The following CD300E variants were observed in gnomAD, a reference collection of about 807,000 sequenced individuals.
CD300E encodes CMRF35-like molecule 2.
In CD300E, 14 loss-of-function variants were observed where a neutral mutation model predicts 20.9. That is an observed-to-expected ratio of 0.67 (90% CI 0.44 to 1.05). The LOEUF is 1.05. CD300E is among the 50% of genes least tolerant of loss of function. The probability of loss-of-function intolerance (pLI) is 0.00; values close to 1 mark genes in which losing one functional copy is unlikely to be tolerated. For synonymous variants in CD300E, 102 were observed against 103.7 expected (o/e 0.98, Z 0.10); for missense variants, 237 against 253.9 (o/e 0.93, Z 0.45).
intron 1 of CD300E, chr17:74,619,045 C>A: frequency 2.1e-6 from 1 of 469,846 alleles, no homozygotes; most frequent in South Asian, 1.6e-5. Flanking sequence ...CCCCAAGAAC[C>A]TGTTGCCCCG....
intron 1 of CD300E, among the ~76,000 whole-genome samples, chr17:74,620,254 C>T (rs2030992395): frequency 6.6e-6 from 1 of 152,000 alleles, no homozygotes; most frequent in African/African-American, 2.4e-5. Context: ...GGCGGATCAC[C>T]AGAGGTCAGG....
chr17:74,621,043 GA>G (rs886806784), intron 1 of CD300E, among the ~76,000 whole-genome samples: 12 of 149,782 alleles, frequency 8.0e-5, no homozygotes, highest in African/African-American at 2.7e-4. Context: ...ACTCCCTCTC[GA>G]AAAAAAAAGA....
intron 2 of CD300E, 143 bp downstream of exon 2, chr17:74,616,975 T>C: frequency 1.4e-6 from 1 of 730,952 alleles, no homozygotes; most frequent in South Asian, 1.8e-5. Context: ...CCTCTCTCCA[T>C]GCCCATGCCA....
intron 1 of CD300E, among the ~76,000 whole-genome samples, chr17:74,618,499 G>GC (rs1808746027): frequency 6.6e-6 from 1 of 152,118 alleles, no homozygotes; most frequent in African/African-American, 2.4e-5. Context: ...TTGTGAAAGA[G>GC]CCCCTGGCAT....
chr17:74,622,769 C>G (rs1004400126), intron 1 of CD300E, among the ~76,000 whole-genome samples: 4 of 150,912 alleles, frequency 2.7e-5, no homozygotes, highest in Non-Finnish European at 5.9e-5. Context: ...GATCTCAACT[C>G]TATCACCCAG....
chr17:74,623,085 C>T (rs1418291337), intron 1 of CD300E, among the ~76,000 whole-genome samples: 1 of 152,204 alleles, frequency 6.6e-6, no homozygotes, highest in Non-Finnish European at 1.5e-5. Flanking sequence ...CACTAAGCTT[C>T]GTCAAAACAG....
chr17:74,616,038 C>T (rs1287980386), intron 2 of CD300E, among the ~76,000 whole-genome samples: 6 of 152,048 alleles, frequency 3.9e-5, no homozygotes, highest in African/African-American at 9.7e-5. Flanking sequence ...AAGCCGAGAT[C>T]GCTCCACGGC....
At chr17:74,620,402 C>T (rs909980104) in intron 1 of CD300E, among the ~76,000 whole-genome samples, 4 of 152,062 alleles carry the variant, frequency 2.6e-5, no homozygotes, top group African/African-American at 4.8e-5. Flanking sequence ...ACCTGGGAGG[C>T]GGAGGTTGCA....
intron 2 of CD300E, among the ~76,000 whole-genome samples, chr17:74,615,247 G>C (rs2030875402): frequency 6.6e-6 from 1 of 152,220 alleles, no homozygotes; most frequent in South Asian, 2.1e-4. Context: ...TGAGAGACAT[G>C]ATAGAGTGTG....
chr17:74,621,837 A>G (rs962509000), intron 1 of CD300E, among the ~76,000 whole-genome samples: 5 of 152,188 alleles, frequency 3.3e-5, no homozygotes, highest in African/African-American at 1.2e-4. Context: ...TATAAAGTGG[A>G]GTCAATGCTA....
chr17:74,614,564 C>T (rs897290229), intron 2 of CD300E, among the ~76,000 whole-genome samples: 5 of 151,128 alleles, frequency 3.3e-5, no homozygotes, highest in Non-Finnish European at 7.4e-5. Flanking sequence ...CTCACCACAA[C>T]CTCCACCTCC....
chr17:74,623,430 T>C (rs1487381007), intron 1 of CD300E, 152 bp downstream of exon 1: 2 of 691,262 alleles, frequency 2.9e-6, no homozygotes, highest in South Asian at 1.9e-5. Context: ...GGATGAATGA[T>C]TGAATGTATA....
rs146564583 is a variant in CD300E, at chr17:74,613,400, C to T, written c.497+525G>A. On this transcript the variant is annotated intron_variant, in intron 3 of 3. Coordinates refer to ENST00000392619, the MANE Select transcript of CD300E (RefSeq NM_181449.3). The stretch of plus-strand genomic sequence containing the variant: ...TGCAGGCGTGAGCCACCACACCCGG[C>T]CACCACTCTCACTGTTCCACTCCAG... Among the ~76,000 whole-genome samples, 751 of 152,356 alleles carry T rather than the reference C, an allele frequency of 4.9e-3. 4 individuals carry two copies. Among genetic ancestry groups the T allele is most frequent in the Non-Finnish European group, 5.2e-3 (356 of 68,032 alleles).
At chr17:74,615,149 G>A (rs1416385060) in intron 2 of CD300E, among the ~76,000 whole-genome samples, 1 of 152,242 alleles carries the variant, frequency 6.6e-6, no homozygotes, top group Admixed American at 6.5e-5. Context: ...CAGGGGAGAA[G>A]CCTAATCCAC....
At chr17:74,621,148 C>T (rs201614388) in intron 1 of CD300E, among the ~76,000 whole-genome samples, 1 of 152,170 alleles carries the variant, frequency 6.6e-6, no homozygotes, top group East Asian at 1.9e-4. Context: ...GGTTGCTTAG[C>T]CCAATTTTCT....
At chr17:74,622,828 C>T (rs905719567) in intron 1 of CD300E, among the ~76,000 whole-genome samples, 1 of 152,102 alleles carries the variant, frequency 6.6e-6, no homozygotes, top group African/African-American at 2.4e-5. Flanking sequence ...ACCTCCGCCT[C>T]CCAAGTTCAA....
intron 1 of CD300E, among the ~76,000 whole-genome samples, chr17:74,622,082 G>A (rs909815954): frequency 6.6e-6 from 1 of 151,860 alleles, no homozygotes; most frequent in African/African-American, 2.4e-5. Flanking sequence ...GGGATTACAG[G>A]TGTGAGCCAC....
Position 74,622,227 on chromosome 17 carries a change from C to T in CD300E, c.40+1355G>A, listed in dbSNP as rs374631986. On this transcript the variant is annotated intron_variant, in intron 1 of 3. Coordinates refer to ENST00000392619, the MANE Select transcript of CD300E (RefSeq NM_181449.3). ...TTTTCAGAGGGACCTGCGCAGGTCA[C>T]ATTGCGAGTCTGAGGATGGGGAATG... 5.3e-5 allele frequency among the ~76,000 whole-genome samples: 8 copies of T among 151,664 alleles called. No individual in the cohort carries two copies. The East Asian group carries it at 1.6e-3, about 29-fold the overall frequency.
chr17:74,623,079 A>C (rs1038132242), intron 1 of CD300E, among the ~76,000 whole-genome samples: 16 of 152,162 alleles, frequency 1.1e-4, no homozygotes, highest in African/African-American at 2.9e-4. Context: ...CCTTTACACT[A>C]AGCTTCGTCA....
Sources: allele counts gnomAD v4.1 joint callset (sites outside exome capture counted in the v4.1 genomes callset), GRCh38; gene constraint gnomAD v4.1.1; transcripts MANE v1.5; gene names NCBI Gene and HGNC (gene_info 2026-07-23, HGNC 2026-07-21).